NFIB: variants seen among roughly 807,000 people sequenced by gnomAD.
NFIB encodes the protein nuclear factor I B, also known as nuclear factor 1 B-type.
NFIB carries 11 observed loss-of-function variants against 61.5 expected under a neutral mutation model. That is an observed-to-expected ratio of 0.18 (90% CI 0.11 to 0.30). The LOEUF is 0.30. NFIB is among the 10% of genes least tolerant of loss of function. The pLI is 1.00. For synonymous variants in NFIB, 260 were observed against 216.5 expected (o/e 1.20, Z -1.76); for missense variants, 471 against 608.9 (o/e 0.77, Z 2.38).
At chr9:14,518,999 G>C in the NFIB span, among the ~76,000 whole-genome samples, 4 of 152,314 alleles carry the variant, frequency 2.6e-5, no homozygotes, top group South Asian at 4.1e-4. Context: ...CTGGTACACT[G>C]TGGGTGAAAT....
upstream of NFIB, among the ~76,000 whole-genome samples, chr9:14,317,751 G>T (rs1370438886): frequency 1.3e-5 from 2 of 152,158 alleles, no homozygotes; most frequent in African/African-American, 4.8e-5. Flanking sequence ...GGAGTTGTTT[G>T]GAAAGAGGGA....
At chr9:14,352,166 C>T (rs116282724) in intron 1 of NFIB, among the ~76,000 whole-genome samples, 2,451 of 152,090 alleles carry the variant, frequency 0.016, 83 homozygotes, top group African/African-American at 0.055. Flanking sequence ...GGAACACATG[C>T]GTAAATCCAG....
rs749527323 is a variant in NFIB, at chr9:14,119,426, C to T, written c.1245+1014G>A. Among the ~76,000 whole-genome samples the T allele has an allele frequency of 3.9e-5, 6 of 152,040 alleles. No homozygotes were observed. The South Asian group carries it at 6.2e-4, about 16-fold the overall frequency. On this transcript the variant is annotated intron_variant, in intron 8 of 10. Transcript: ENST00000380953. ...TAAGTAACCCAAAGGGTCCTGGATG[C>T]GTTGTTATTCTAAATTAAAAGTTCA... is the stretch of plus-strand genomic sequence containing the variant.
upstream of NFIB, chr9:14,314,516 GCTTT>G (rs1280431524): frequency 6.6e-6 from 1 of 151,520 alleles, no homozygotes; most frequent in African/African-American, 2.4e-5. Flanking sequence ...TCCCTCTCTT[GCTTT>G]CTTTCGTTGC....
intron 1 of NFIB, among the ~76,000 whole-genome samples, chr9:14,371,130 CAAACAAACAAAA>C (rs1268488999): frequency 7.4e-6 from 1 of 135,106 alleles, no homozygotes; most frequent in Non-Finnish European, 1.7e-5. Context: ...AACAAACAAA[CAAACAAACAAAA>C]ACACACACAC....
At chr9:14,395,497 G>T (rs1251842471) in intron 1 of NFIB, among the ~76,000 whole-genome samples, 1 of 151,916 alleles carries the variant, frequency 6.6e-6, no homozygotes, top group Non-Finnish European at 1.5e-5. Context: ...AGGCCTACAG[G>T]ACATGAAGCC....
chr9:14,364,521 A>G (rs2061277578), intron 1 of NFIB, among the ~76,000 whole-genome samples: 1 of 152,244 alleles, frequency 6.6e-6, no homozygotes, highest in Non-Finnish European at 1.5e-5. Context: ...AATAATTATT[A>G]AAGAAATAGA....
rs373511235 is a variant in NFIB, at chr9:14,292,408, A to G, written c.562+14581T>C. On this transcript the variant is annotated intron_variant, in intron 2 of 10. Transcript: ENST00000380953. ...AACATGAAAGTGTTACTCAAGAGTCAGGTTACACATTTTCTATTTCTCTTT... is the reference window on the plus strand; with the variant it reads ...AACATGAAAGTGTTACTCAAGAGTCGGGTTACACATTTTCTATTTCTCTTT... Among the ~76,000 whole-genome samples, 8 of 152,250 alleles carry G rather than the reference A, an allele frequency of 5.3e-5. No individual in the cohort carries two copies. The East Asian group carries it at 5.8e-4, about 11-fold the overall frequency.
chr9:14,275,437 A>G (rs2057932424), intron 2 of NFIB, among the ~76,000 whole-genome samples: 1 of 152,228 alleles, frequency 6.6e-6, no homozygotes, highest in Non-Finnish European at 1.5e-5. Flanking sequence ...ATATCAGTGC[A>G]GTTGAGGCAA....
the NFIB span, among the ~76,000 whole-genome samples, chr9:14,447,451 G>A: frequency 2.0e-5 from 3 of 152,140 alleles, no homozygotes; most frequent in Non-Finnish European, 4.4e-5. Context: ...TACAATTAGT[G>A]TGGGGTCACT....
At chr9:14,288,239 C>T (rs542211440) in intron 2 of NFIB, among the ~76,000 whole-genome samples, 7 of 151,850 alleles carry the variant, frequency 4.6e-5, no homozygotes, top group Admixed American at 2.0e-4. Context: ...AGATACTTTA[C>T]GAAACATTTT....
At chr9:14,257,617 A>G (rs140997352) in intron 2 of NFIB, among the ~76,000 whole-genome samples, 2,282 of 152,192 alleles carry the variant, frequency 0.015, 52 homozygotes, top group African/African-American at 0.051. Flanking sequence ...TTAGCCGGGC[A>G]TGGTTGCGGG....
the NFIB span, among the ~76,000 whole-genome samples, chr9:14,523,518 C>T: frequency 1.7e-3 from 262 of 152,080 alleles, 1 homozygote; most frequent in Admixed American, 3.4e-3. Context: ...GAGACCTTCC[C>T]GACATCGCCA....
At chr9:14,498,932 G>C in the NFIB span, among the ~76,000 whole-genome samples, 1 of 151,940 alleles carries the variant, frequency 6.6e-6, no homozygotes, top group African/African-American at 2.4e-5. Context: ...GATCAAGATG[G>C]GGTTCCTGCC....
intron 2 of NFIB, among the ~76,000 whole-genome samples, chr9:14,220,410 T>C (rs1010849411): frequency 3.9e-5 from 6 of 152,172 alleles, no homozygotes; most frequent in Admixed American, 2.6e-4. Context: ...CCATGTATTG[T>C]ACTAGGGGAA....
chr9:14,430,587 T>A, the NFIB span, among the ~76,000 whole-genome samples: 12 of 152,220 alleles, frequency 7.9e-5, no homozygotes, highest in African/African-American at 2.9e-4. Flanking sequence ...TTTATTTATT[T>A]ATTTATTTAT....
chr9:14,491,499 T>TAGA, the NFIB span, among the ~76,000 whole-genome samples: 3 of 152,162 alleles, frequency 2.0e-5, no homozygotes, highest in African/African-American at 7.2e-5. Context: ...AGACAGACAG[T>TAGA]AGAAGATAGG....
intron 2 of NFIB, among the ~76,000 whole-genome samples, chr9:14,184,941 T>G (rs947772560): frequency 6.6e-6 from 1 of 152,134 alleles, no homozygotes; most frequent in African/African-American, 2.4e-5. Flanking sequence ...GAGAATCACT[T>G]GGACCTGGGA....
chr9:14,294,939 C>G (rs2059333441), intron 2 of NFIB, among the ~76,000 whole-genome samples: 1 of 152,192 alleles, frequency 6.6e-6, no homozygotes, highest in Non-Finnish European at 1.5e-5. Flanking sequence ...AGCACCGAAA[C>G]TAGTTCCTCC....
Sources: gnomAD v4.1 joint callset for allele counts (sites outside exome capture counted in the v4.1 genomes callset) on GRCh38, gnomAD v4.1.1 for gene constraint, MANE v1.5 for transcripts, NCBI Gene and HGNC (gene_info 2026-07-23, HGNC 2026-07-21) for gene names.